SLC2A9: variants seen among roughly 807,000 people sequenced by gnomAD.
SLC2A9 encodes solute carrier family 2, facilitated glucose transporter member 9.
SLC2A9 carries 39 observed loss-of-function variants against 50.6 expected under a neutral mutation model. That is an observed-to-expected ratio of 0.77 (90% confidence interval 0.60 to 1.01). The LOEUF (loss-of-function observed/expected upper bound fraction) is 1.01, where lower values mean the gene tolerates loss of function less well. SLC2A9 is among the 50% of genes least tolerant of loss of function. The pLI, the probability that SLC2A9 is intolerant of heterozygous loss-of-function variation, is 0.00. For missense variants in SLC2A9, 686 were observed against 677.6 expected (o/e 1.01, Z -0.14); for synonymous variants, 324 against 276.9 (o/e 1.17, Z -1.69).
At position 10,021,364 on chromosome 4, in the gene SLC2A9, G is replaced by A. The variant is rs768490405; in HGVS notation, c.66C>T (p.Ser22=). Residue 22 remains serine (S), a synonymous_variant, in exon 1 of 12, where the codon AGC becomes AGT. Coordinates refer to ENST00000264784, the MANE Select transcript of SLC2A9 (RefSeq NM_020041.3). ...LGLVPLTDDT[S]HAGPPGPGRA... is the part of the protein sequence containing the mutation. Reference sequence around the variant, plus strand: ...TCCCTGGCCCTGGAGGCCCGGCGTGGCTGGTGTCATCTGTGAGGGGAACTA... The same window carrying A: ...TCCCTGGCCCTGGAGGCCCGGCGTGACTGGTGTCATCTGTGAGGGGAACTA... 2 of 1,614,256 alleles carry A rather than the reference G, an allele frequency of 1.2e-6. No individual in the cohort carries two copies. The highest frequency in any genetic ancestry group is 4.5e-5 in the East Asian group (2 of 44,884).
chr4:9,953,743 T>C (rs4466042), intron 5 of SLC2A9, among the ~76,000 whole-genome samples: 73,291 of 151,948 alleles, frequency 0.48, 19,069 homozygotes, highest in African/African-American at 0.67. Context: ...CCACCTCAGC[T>C]TCCTGAGCAG....
In SLC2A9 at chr4:9,859,503, T is replaced by C. The variant is rs897044382; in HGVS notation, c.1292-24495A>G. 5.3e-5 allele frequency among the ~76,000 whole-genome samples: 8 copies of C among 152,194 alleles called. No homozygotes were observed. In the East Asian group the frequency reaches 5.8e-4, roughly 11 times the overall value. On this transcript the variant is annotated intron_variant, in intron 10 of 11. Coordinates refer to ENST00000264784, the MANE Select transcript of SLC2A9 (RefSeq NM_020041.3). ...ACCTAATTTGTGGTAGAGATAGAAA[T>C]TGATAAATGGTTTTTCTCCTATACC...
At chr4:9,849,862 T>C (rs1729578728) in intron 10 of SLC2A9, among the ~76,000 whole-genome samples, 1 of 151,952 alleles carries the variant, frequency 6.6e-6, no homozygotes, top group Non-Finnish European at 1.5e-5. Flanking sequence ...TCAGCAGTCT[T>C]GCTGGTAGGT....
intron 3 of SLC2A9, among the ~76,000 whole-genome samples, chr4:9,791,105 G>C (rs867616977): frequency 2.0e-4 from 30 of 152,254 alleles, no homozygotes; most frequent in Middle Eastern, 3.4e-3. Flanking sequence ...CCTTTTAGAG[G>C]AGAAAAAATA....
chr4:9,939,088 T>C (rs984912675), intron 6 of SLC2A9, among the ~76,000 whole-genome samples: 3 of 152,200 alleles, frequency 2.0e-5, no homozygotes, highest in African/African-American at 4.8e-5. Context: ...AATAGGATTT[T>C]AGGAGATTTC....
intron 10 of SLC2A9, among the ~76,000 whole-genome samples, chr4:9,871,444 C>A (rs1733420245): frequency 6.6e-6 from 1 of 152,148 alleles, no homozygotes; most frequent in Non-Finnish European, 1.5e-5. Flanking sequence ...AGAAACCATC[C>A]ACGCCTCTCT....
chr4:9,851,120 CT>C (rs1486400447), intron 10 of SLC2A9, among the ~76,000 whole-genome samples: 2 of 152,220 alleles, frequency 1.3e-5, no homozygotes, highest in African/African-American at 4.8e-5. Flanking sequence ...TGCTGGCACA[CT>C]TGAGCGAGCA....
chr4:9,929,664 AG>A (rs1297308305), intron 6 of SLC2A9, among the ~76,000 whole-genome samples: 11 of 152,292 alleles, frequency 7.2e-5, no homozygotes, highest in Non-Finnish European at 1.2e-4. Flanking sequence ...GGACACTAGA[AG>A]GGGCTAGTGC....
At position 9,955,814 on chromosome 4, in the gene SLC2A9, C is replaced by A. The variant is rs539122798; in HGVS notation, c.682-13769G>T. Among the ~76,000 whole-genome samples, 3 of 146,780 alleles carry A rather than the reference C, an allele frequency of 2.0e-5. No individual in the cohort carries two copies. In the South Asian group the frequency reaches 6.6e-4, roughly 32 times the overall value. On this transcript the variant is annotated intron_variant, in intron 5 of 11. Coordinates refer to ENST00000264784, the MANE Select transcript of SLC2A9 (RefSeq NM_020041.3). Reference sequence around the variant, plus strand: ...TATTAACCTTTTGAGCCCCACTGGACATTCTCTAGGGATTCTTATTCAGAA... The same window carrying A: ...TATTAACCTTTTGAGCCCCACTGGAAATTCTCTAGGGATTCTTATTCAGAA...
At chr4:9,851,266 A>G (rs951501273) in intron 10 of SLC2A9, among the ~76,000 whole-genome samples, 5 of 152,162 alleles carry the variant, frequency 3.3e-5, no homozygotes, top group African/African-American at 7.2e-5. Context: ...TAGGGGCCCA[A>G]TGTCAGTCCC....
At chr4:9,977,817 C>T (rs1331375452) in intron 5 of SLC2A9, among the ~76,000 whole-genome samples, 1 of 152,112 alleles carries the variant, frequency 6.6e-6, no homozygotes, top group African/African-American at 2.4e-5. Context: ...CTCCTGTGAC[C>T]TCCGAAGGGC....
chr4:9,789,048 C>T (rs998502473), intron 3 of SLC2A9, among the ~76,000 whole-genome samples: 4 of 152,140 alleles, frequency 2.6e-5, no homozygotes, highest in African/African-American at 9.7e-5. Context: ...TTCATATGTG[C>T]ATATACACAT....
chr4:9,920,334 C>T (rs760825450), intron 7 of SLC2A9, 51 bp downstream of exon 7: 1 of 1,604,446 alleles, frequency 6.2e-7, no homozygotes. Flanking sequence ...ACCTCCCCAC[C>T]CTCTGATCCC....
intron 10 of SLC2A9, among the ~76,000 whole-genome samples, chr4:9,872,668 TTCTC>T (rs1357333310): frequency 6.6e-6 from 1 of 152,242 alleles, no homozygotes; most frequent in African/African-American, 2.4e-5. Flanking sequence ...TGGCTGAGGC[TTCTC>T]TCTGTTTACT....
intron 5 of SLC2A9, among the ~76,000 whole-genome samples, chr4:9,968,578 T>C (rs1167717303): frequency 1.3e-5 from 2 of 152,210 alleles, no homozygotes; most frequent in Non-Finnish European, 2.9e-5. Flanking sequence ...AACCAGGGAA[T>C]TTCTCATGCT....
chr4:9,934,916 T>C (rs1236398132), intron 6 of SLC2A9, among the ~76,000 whole-genome samples: 1 of 152,222 alleles, frequency 6.6e-6, no homozygotes, highest in Non-Finnish European at 1.5e-5. Context: ...TGTTTGGTTT[T>C]CTGTTCCTGT....
At chr4:9,974,172 C>G (rs970398816) in intron 5 of SLC2A9, among the ~76,000 whole-genome samples, 22 of 152,208 alleles carry the variant, frequency 1.4e-4, no homozygotes, top group African/African-American at 5.1e-4. Flanking sequence ...AACCCACAGC[C>G]AACATCATAC....
intron 5 of SLC2A9, among the ~76,000 whole-genome samples, chr4:9,970,550 T>C (rs1041807322): frequency 5.3e-5 from 8 of 151,928 alleles, no homozygotes; most frequent in African/African-American, 1.9e-4. Context: ...AGTTTTGAGT[T>C]CTCAGTGCAA....
chr4:9,818,814 G>A (rs1030400516), intron 3 of SLC2A9, among the ~76,000 whole-genome samples: 10 of 152,162 alleles, frequency 6.6e-5, no homozygotes, highest in African/African-American at 2.4e-4. Flanking sequence ...TGTGGGATGG[G>A]GGCAGGTGAA....
Sources: allele counts gnomAD v4.1 joint callset (sites outside exome capture counted in the v4.1 genomes callset), GRCh38; gene constraint gnomAD v4.1.1; transcripts MANE v1.5; gene names NCBI Gene and HGNC (gene_info 2026-07-23, HGNC 2026-07-21).